Variants in PGR observed in about 807,000 individuals in gnomAD.
The protein encoded by PGR is nuclear receptor subfamily 3 group C member 3.
A neutral mutation model predicts 76.1 loss-of-function variants in PGR; 25 were observed. The ratio of observed to expected loss-of-function variants is 0.33; its 90% CI spans 0.24 to 0.46. PGR has a LOEUF of 0.46. PGR is among the 20% of genes least tolerant of loss of function. The pLI is 1.00. For missense variants in PGR, 1,172 were observed against 1,225.3 expected (o/e 0.96, Z 0.65); for synonymous variants, 579 against 535.0 (o/e 1.08, Z -1.14).
intron 2 of PGR, among the ~76,000 whole-genome samples, chr11:101,098,143 T>C (rs950177611): frequency 6.6e-6 from 1 of 152,208 alleles, no homozygotes; most frequent in Admixed American, 6.5e-5. Flanking sequence ...GATTAGATCA[T>C]TTTATTTGCC....
chr11:101,106,851 G>A (rs1435595747), intron 2 of PGR, among the ~76,000 whole-genome samples: 2 of 152,222 alleles, frequency 1.3e-5, no homozygotes, highest in Non-Finnish European at 2.9e-5. Flanking sequence ...TTAAGCAAAT[G>A]TGGCACGTAT....
intron 2 of PGR, among the ~76,000 whole-genome samples, chr11:101,106,470 A>T (rs1045911946): frequency 1.3e-5 from 2 of 152,362 alleles, no homozygotes; most frequent in South Asian, 2.1e-4. Context: ...AAAAATGCTC[A>T]TCATCACTAG....
intron 3 of PGR, among the ~76,000 whole-genome samples, chr11:101,083,208 T>C (rs1325961989): frequency 5.3e-5 from 8 of 152,142 alleles, no homozygotes; most frequent in Non-Finnish European, 1.2e-4. Flanking sequence ...CCACATGGTA[T>C]TGGGCCTGCG....
chr11:101,093,667 C>T (rs1861748164), intron 2 of PGR, among the ~76,000 whole-genome samples: 1 of 152,154 alleles, frequency 6.6e-6, no homozygotes, highest in African/African-American at 2.4e-5. Flanking sequence ...GCATGTTGGT[C>T]AGGCTGGTCT....
At chr11:101,103,663 G>A (rs568981276) in intron 2 of PGR, among the ~76,000 whole-genome samples, 89 of 152,218 alleles carry the variant, frequency 5.8e-4, no homozygotes, top group Admixed American at 1.4e-3. Flanking sequence ...TACTCAAAGA[G>A]GAAATCTAAT....
chr11:101,059,853 A>AAAG (rs1555050847), intron 4 of PGR, among the ~76,000 whole-genome samples: 2 of 136,724 alleles, frequency 1.5e-5, no homozygotes, highest in African/African-American at 4.9e-5. Context: ...AAAAAAAAAA[A>AAAG]AAAAAAAAGA....
chr11:101,035,637 TA>T lies in PGR; in HGVS notation c.*3478del, dbSNP rs1168214670. On this transcript the variant is annotated 3_prime_UTR_variant, in exon 8 of 8. Transcript: ENST00000325455. ...AGGCTCTCTGTTCTAAAAAGACACT[TA>T]AAAATGTTAAAATCAGTGTCATTAT... is the stretch of plus-strand genomic sequence containing the variant. The T allele has an allele frequency of 4.3e-6, 1 of 231,982 alleles. No individual in the cohort carries two copies. Among genetic ancestry groups the T allele is most frequent in the East Asian group, 6.1e-5 (1 of 16,338 alleles). The allele number at this position is 231,982 out of a possible 1,614,324, so 14.4% of individuals were successfully genotyped here.
chr11:101,084,126 A>T (rs1453498122), intron 3 of PGR, among the ~76,000 whole-genome samples: 2 of 152,208 alleles, frequency 1.3e-5, no homozygotes, highest in South Asian at 2.1e-4. Context: ...AGATATAATG[A>T]TTTAAAAGTG....
intron 4 of PGR, among the ~76,000 whole-genome samples, chr11:101,055,414 CAAAAAAAAAA>C (rs61303675): frequency 3.1e-5 from 2 of 65,040 alleles, no homozygotes; most frequent in African/African-American, 1.3e-4. Flanking sequence ...GACTCCATCT[CAAAAAAAAAA>C]AAAAAAAAAA....
intron 5 of PGR, chr11:101,050,916 C>A: frequency 4.2e-6 from 1 of 236,770 alleles, no homozygotes; most frequent in East Asian, 1.4e-4. Flanking sequence ...ACTTCTAAGT[C>A]AGCATTTACC....
intron 2 of PGR, among the ~76,000 whole-genome samples, chr11:101,110,670 TGCA>T (rs1280182744): frequency 6.6e-6 from 1 of 152,194 alleles, no homozygotes; most frequent in African/African-American, 2.4e-5. Context: ...TAGGTGATAG[TGCA>T]GCAGCAGGTT....
At chr11:101,123,254 C>T (rs1362894057) in intron 2 of PGR, among the ~76,000 whole-genome samples, 1 of 152,158 alleles carries the variant, frequency 6.6e-6, no homozygotes, top group Non-Finnish European at 1.5e-5. Context: ...ACAGAGAAAG[C>T]ATTTTATAAT....
intron 6 of PGR, among the ~76,000 whole-genome samples, chr11:101,047,224 T>C (rs1049897635): frequency 6.6e-6 from 1 of 152,156 alleles, no homozygotes; most frequent in Non-Finnish European, 1.5e-5. Flanking sequence ...TGTTGATTAA[T>C]TCCATTGTTG....
At chr11:101,112,303 A>G (rs1421367013) in intron 2 of PGR, among the ~76,000 whole-genome samples, 2 of 152,230 alleles carry the variant, frequency 1.3e-5, no homozygotes, top group African/African-American at 4.8e-5. Flanking sequence ...GAGAAAAGGA[A>G]GAGCATGTTG....
chr11:101,082,606 C>T (rs1163732858), intron 3 of PGR, among the ~76,000 whole-genome samples: 1 of 152,096 alleles, frequency 6.6e-6, no homozygotes, highest in Non-Finnish European at 1.5e-5. Context: ...TATGCTTTAG[C>T]AAAAAGACTG....
Position 101,127,595 on chromosome 11 carries a change from C to G in PGR, c.1476G>C (p.Arg492=). The part of the protein sequence containing the change: ...APGASGCLLP[R]DGLPSTSASA... ...AGGCGGAGGTGGAGGGCAGGCCGTC[C>G]CGCGGGAGCAGGCAGCCGCTCGCGC... The change falls in exon 1 of 8, where the codon CGG becomes CGC. Residue 492 remains arginine (R), a synonymous_variant. Coordinates refer to ENST00000325455, the MANE Select transcript of PGR (RefSeq NM_000926.4). 1.5e-6 allele frequency: 2 copies of G among 1,305,112 alleles called. No individual in the cohort carries two copies. The highest frequency in any genetic ancestry group is 1.9e-6 in the Non-Finnish European group (2 of 1,035,804). The allele number at this position is 1,305,112 out of a possible 1,614,324, so 80.8% of individuals were successfully genotyped here.
intron 3 of PGR, among the ~76,000 whole-genome samples, chr11:101,076,028 C>A (rs1861117698): frequency 6.6e-6 from 1 of 152,102 alleles, no homozygotes; most frequent in South Asian, 2.1e-4. Flanking sequence ...CGTATGTTTA[C>A]TGCAGCACTA....
chr11:101,071,485 T>C lies in PGR; in HGVS notation c.1907-8733A>G, dbSNP rs148250108. ...CTGGACGGAGAATGAGTTTGACAAA[T>C]TGACAGAAGTAGGCTTCAGGAGGCG... On this transcript the variant is annotated intron_variant, in intron 3 of 7. Transcript: ENST00000325455. Among the ~76,000 whole-genome samples the C allele has an allele frequency of 6.8e-3, 1,032 of 151,976 alleles. 12 individuals are homozygous for C. Among genetic ancestry groups the C allele is most frequent in the African/African-American group, 0.023 (961 of 41,464 alleles).
intron 6 of PGR, among the ~76,000 whole-genome samples, chr11:101,045,536 T>A (rs1295021164): frequency 6.6e-6 from 1 of 152,198 alleles, no homozygotes; most frequent in Non-Finnish European, 1.5e-5. Flanking sequence ...CTCCCACTTA[T>A]AAGCGAGAAC....
Sources: gnomAD v4.1 joint callset for allele counts (sites outside exome capture counted in the v4.1 genomes callset) on GRCh38, gnomAD v4.1.1 for gene constraint, MANE v1.5 for transcripts, NCBI Gene and HGNC (gene_info 2026-07-23, HGNC 2026-07-21) for gene names.